CADM2: variants seen among roughly 807,000 people sequenced by gnomAD.
The protein encoded by CADM2 is cell adhesion molecule 2.
A neutral mutation model predicts 49.8 loss-of-function variants in CADM2; 12 were observed. That is an observed-to-expected ratio of 0.24 (90% CI 0.15 to 0.39). CADM2 has a LOEUF of 0.39. CADM2 is among the 10% of genes least tolerant of loss of function. CADM2 has a pLI of 1.00. For missense variants in CADM2, 378 were observed against 492.3 expected, an observed-to-expected ratio of 0.77 and a Z score of 2.20; for synonymous variants, 214 against 175.4, an observed-to-expected ratio of 1.22 and a Z score of -1.74.
chr3:85,316,955 G>C (rs1426510970), intron 1 of CADM2, among the ~76,000 whole-genome samples: 3 of 152,118 alleles, frequency 2.0e-5, no homozygotes, highest in African/African-American at 7.2e-5. Flanking sequence ...ACCATGAGTT[G>C]GGGTTTCAAA....
At chr3:85,334,165 C>T (rs1486368435) in intron 1 of CADM2, among the ~76,000 whole-genome samples, 1 of 151,438 alleles carries the variant, frequency 6.6e-6, no homozygotes, top group Non-Finnish European at 1.5e-5. Flanking sequence ...TGTAGGCTTG[C>T]TTAGTCAACA....
chr3:85,268,873 T>A (rs1054564576), intron 1 of CADM2, among the ~76,000 whole-genome samples: 8 of 151,372 alleles, frequency 5.3e-5, no homozygotes, highest in Admixed American at 1.3e-4. Flanking sequence ...TACTCTATAA[T>A]GCTCTCAGTT....
chr3:85,954,089 T>C (rs1723763973), intron 7 of CADM2, among the ~76,000 whole-genome samples: 1 of 150,978 alleles, frequency 6.6e-6, no homozygotes, highest in Non-Finnish European at 1.5e-5. Flanking sequence ...TACAATTTAT[T>C]TGATATTTAA....
chr3:85,321,405 A>T (rs2044609867), intron 1 of CADM2, among the ~76,000 whole-genome samples: 1 of 151,444 alleles, frequency 6.6e-6, no homozygotes, highest in Admixed American at 6.6e-5. Flanking sequence ...GGCTGGTCTC[A>T]AACTCCTGGT....
rs376083478 is a variant in CADM2 at position 85,799,111 on chromosome 3, C to T, written c.89-2936C>T. Among the ~76,000 whole-genome samples, 376 of 152,216 alleles carry T rather than the reference C, an allele frequency of 2.5e-3. 1 individual carries two copies. Among genetic ancestry groups the T allele is most frequent in the African/African-American group, 8.8e-3 (365 of 41,540 alleles). ...TGTAGGAATGCCTGTGATTTTTGCA[C>T]ATTGATTTTGTATCCTGAGACTTTG... On this transcript the variant is annotated intron_variant, in intron 2 of 9. Coordinates refer to ENST00000383699, the MANE Select transcript of CADM2 (RefSeq NM_001167675.2).
At chr3:85,431,522 C>T (rs930937563) in intron 1 of CADM2, among the ~76,000 whole-genome samples, 4 of 151,792 alleles carry the variant, frequency 2.6e-5, no homozygotes, top group Admixed American at 6.6e-5. Flanking sequence ...AGTGTAGCTG[C>T]GTATGTACAT....
intron 5 of CADM2, among the ~76,000 whole-genome samples, chr3:85,899,061 G>C (rs1429167662): frequency 6.9e-6 from 1 of 145,874 alleles, no homozygotes; most frequent in Non-Finnish European, 1.5e-5. Flanking sequence ...TGCCTCCTGG[G>C]TTGGAGCAAT....
At chr3:85,395,210 A>T (rs920071695) in intron 1 of CADM2, among the ~76,000 whole-genome samples, 8 of 148,902 alleles carry the variant, frequency 5.4e-5, no homozygotes, top group African/African-American at 2.0e-4. Context: ...AGGCTGGAGG[A>T]TCACATGAGC....
intron 2 of CADM2, among the ~76,000 whole-genome samples, chr3:85,741,232 A>G (rs897832689): frequency 9.9e-5 from 15 of 152,160 alleles, no homozygotes; most frequent in African/African-American, 3.1e-4. Flanking sequence ...ATTTCAGCCA[A>G]TCGCTGCCCT....
At chr3:85,998,063 A>T (rs565137620) in intron 8 of CADM2, among the ~76,000 whole-genome samples, 1 of 152,268 alleles carries the variant, frequency 6.6e-6, no homozygotes, top group East Asian at 1.9e-4. Context: ...AGGAGAGGTG[A>T]GGGAAGAGGG....
chr3:85,670,460 A>G (rs558568199), intron 1 of CADM2, among the ~76,000 whole-genome samples: 16 of 152,022 alleles, frequency 1.1e-4, no homozygotes, highest in Non-Finnish European at 2.1e-4. Context: ...TGATTTCAAA[A>G]TTTTTGCGCT....
chr3:85,581,437 A>G (rs1013458049), intron 1 of CADM2, among the ~76,000 whole-genome samples: 1 of 148,874 alleles, frequency 6.7e-6, no homozygotes, highest in African/African-American at 2.5e-5. Flanking sequence ...TGTTTCAAGA[A>G]AAAAAAAAAA....
intron 1 of CADM2, among the ~76,000 whole-genome samples, chr3:85,291,269 C>CA (rs2106934738): frequency 6.6e-6 from 1 of 151,932 alleles, no homozygotes; most frequent in African/African-American, 2.4e-5. Flanking sequence ...GCAAAGCCTC[C>CA]AAGAAATATG....
chr3:85,095,221 T>G (rs1243621917), intron 1 of CADM2, among the ~76,000 whole-genome samples: 2 of 152,164 alleles, frequency 1.3e-5, no homozygotes. Context: ...TCTAGAGATG[T>G]GCATACACAA....
At chr3:85,759,537 G>A (rs555819383) in intron 2 of CADM2, among the ~76,000 whole-genome samples, 1 of 152,096 alleles carries the variant, frequency 6.6e-6, no homozygotes, top group South Asian at 2.1e-4. Flanking sequence ...ATTCTAGATG[G>A]CAACATCTTT....
chr3:85,705,249 T>C (rs940475878), intron 1 of CADM2, among the ~76,000 whole-genome samples: 1 of 149,838 alleles, frequency 6.7e-6, no homozygotes, highest in Non-Finnish European at 1.5e-5. Context: ...AAAAAAGAAA[T>C]AAGCAAGGAC....
chr3:85,208,955 T>A lies in CADM2; in HGVS notation c.61+249287T>A, dbSNP rs529339516. Among the ~76,000 whole-genome samples, 3 of 152,228 alleles carry A rather than the reference T, an allele frequency of 2.0e-5. No individual in the cohort carries two copies. In the South Asian group the frequency reaches 6.2e-4, roughly 32 times the overall value. ...ACACCTCCTAAACCTGTGCTACATA[T>A]TTATGTCATGAATTTTAAAATAATC... On this transcript the variant is annotated intron_variant, in intron 1 of 9. Transcript: ENST00000383699.
intron 1 of CADM2, among the ~76,000 whole-genome samples, chr3:85,553,434 G>A (rs2061868234): frequency 6.6e-6 from 1 of 152,106 alleles, no homozygotes; most frequent in South Asian, 2.1e-4. Context: ...TTTGAGAAAA[G>A]CACATTTGAG....
intron 1 of CADM2, among the ~76,000 whole-genome samples, chr3:85,215,964 G>A (rs1036042909): frequency 2.0e-5 from 3 of 152,048 alleles, no homozygotes; most frequent in African/African-American, 7.3e-5. Context: ...GAGGAGGGAT[G>A]GTACATGTGA....
Sources: allele counts gnomAD v4.1 joint callset (sites outside exome capture counted in the v4.1 genomes callset), GRCh38; gene constraint gnomAD v4.1.1; transcripts MANE v1.5; gene names NCBI Gene and HGNC (gene_info 2026-07-23, HGNC 2026-07-21).